The following CCNY variants were observed in gnomAD, a reference collection of about 807,000 sequenced individuals.
CCNY encodes the protein cyclin Y, also known as cyclin-Y.
A neutral mutation model predicts 42.8 loss-of-function variants in CCNY; 19 were observed. The ratio of observed to expected loss-of-function variants is 0.44; its 90% confidence interval spans 0.31 to 0.65. CCNY has a LOEUF of 0.65. Ranked by LOEUF, CCNY falls within the 30% of genes least tolerant of loss-of-function variation. The pLI is 0.07. For missense variants in CCNY, 370 were observed against 437.3 expected, an observed-to-expected ratio of 0.85 and a Z score of 1.37; for synonymous variants, 165 against 162.7, an observed-to-expected ratio of 1.01 and a Z score of -0.11.
chr10:35,406,696 C>A (rs1837781715), intron 1 of CCNY, among the ~76,000 whole-genome samples: 1 of 152,208 alleles, frequency 6.6e-6, no homozygotes, highest in South Asian at 2.1e-4. Flanking sequence ...CCTTTCTATT[C>A]CACAAAACTG....
At chr10:35,274,124 T>C (rs1263060702) in intron 3 of CCNY, among the ~76,000 whole-genome samples, 1 of 152,196 alleles carries the variant, frequency 6.6e-6, no homozygotes. Context: ...TTCACATGGC[T>C]GGGGAGGCCT....
At chr10:35,366,182 A>G (rs1039911514) in intron 1 of CCNY, among the ~76,000 whole-genome samples, 1 of 152,262 alleles carries the variant, frequency 6.6e-6, no homozygotes, top group Non-Finnish European at 1.5e-5. Flanking sequence ...CTTTCTAAAA[A>G]TATCACAGAA....
At position 35,484,396 on chromosome 10, in the gene CCNY, T is replaced by C. The variant is rs552956510; in HGVS notation, c.229+918T>C. Among the ~76,000 whole-genome samples, 9 of 152,338 alleles carry C rather than the reference T, an allele frequency of 5.9e-5. No homozygotes were observed. The East Asian group carries it at 1.7e-3, about 29-fold the overall frequency. ...GCAAGGTATAGTGCTGATTTAATGT[T>C]ATTGGGAATCTTTAGTTAGGCAAGC... On this transcript the variant is annotated intron_variant, in intron 2 of 9. Coordinates refer to ENST00000374704, the MANE Select transcript of CCNY (RefSeq NM_145012.6).
intron 3 of CCNY, among the ~76,000 whole-genome samples, chr10:35,267,658 AG>A (rs1473319568): frequency 1.3e-5 from 2 of 152,188 alleles, no homozygotes; most frequent in African/African-American, 4.8e-5. Flanking sequence ...CTCTTGTGAC[AG>A]AAAACACTGC....
intron 3 of CCNY, among the ~76,000 whole-genome samples, chr10:35,254,425 C>T (rs768861392): frequency 6.6e-6 from 1 of 152,016 alleles, no homozygotes; most frequent in Non-Finnish European, 1.5e-5. Context: ...TTTTTCTGAC[C>T]GGTTGCTTTC....
At chr10:35,489,457 C>T (rs983820595) in intron 2 of CCNY, among the ~76,000 whole-genome samples, 3 of 152,012 alleles carry the variant, frequency 2.0e-5, no homozygotes, top group Non-Finnish European at 4.4e-5. Flanking sequence ...CCCACCACCA[C>T]GCCCAGCTAA....
intron 3 of CCNY, among the ~76,000 whole-genome samples, chr10:35,505,403 C>CAA (rs112231407): frequency 1.2e-4 from 16 of 131,106 alleles, no homozygotes; most frequent in East Asian, 4.4e-4. Context: ...GTGTGATCCT[C>CAA]AAAAAAAAAA....
At chr10:35,366,741 G>A (rs919309789) in intron 1 of CCNY, among the ~76,000 whole-genome samples, 20 of 152,326 alleles carry the variant, frequency 1.3e-4, no homozygotes, top group African/African-American at 4.3e-4. Flanking sequence ...TGATGGAAAT[G>A]TTATATATCT....
intron 1 of CCNY, among the ~76,000 whole-genome samples, chr10:35,415,856 GGCCGAGCAGGTGGCAGT>G (rs1238867086): frequency 6.6e-6 from 1 of 152,188 alleles, no homozygotes; most frequent in Non-Finnish European, 1.5e-5. Context: ...CCATCCTGTG[GGCCGAGCAGGTGGCAGT>G]GCCCGCTCTG....
intron 1 of CCNY, among the ~76,000 whole-genome samples, chr10:35,441,923 G>T (rs988483763): frequency 3.3e-5 from 5 of 152,268 alleles, no homozygotes; most frequent in African/African-American, 1.2e-4. Context: ...TTGGCTGTAT[G>T]ATTTAAAATG....
chr10:35,441,556 C>T (rs1479506541), intron 1 of CCNY, among the ~76,000 whole-genome samples: 1 of 152,092 alleles, frequency 6.6e-6, no homozygotes, highest in Non-Finnish European at 1.5e-5. Flanking sequence ...CTGGCCTGGG[C>T]AACATGGGCG....
At chr10:35,498,756 T>G (rs1840052161) in intron 2 of CCNY, among the ~76,000 whole-genome samples, 1 of 152,166 alleles carries the variant, frequency 6.6e-6, no homozygotes, top group African/African-American at 2.4e-5. Context: ...GAAAATCTTC[T>G]CAGAAACTGT....
intron 3 of CCNY, among the ~76,000 whole-genome samples, chr10:35,266,283 A>G (rs1230893598): frequency 1.9e-5 from 2 of 102,974 alleles, no homozygotes. Context: ...TATTTTTAGT[A>G]GAGATGGGGT....
At position 35,570,672 on chromosome 10, in the gene CCNY, CCTT is replaced by C. The variant is rs1841668602; in HGVS notation, c.*1507_*1509del. 1 of 152,302 alleles carries C rather than the reference CCTT, an allele frequency of 6.6e-6. No individual in the cohort carries two copies. The highest frequency in any genetic ancestry group is 2.1e-4 in the South Asian group (1 of 4,824). The allele number at this position is 152,302 out of a possible 1,614,324, so 9.4% of individuals were successfully genotyped here. A position where few individuals can be genotyped will look rare whatever the true frequency, so the allele number is the denominator to read the frequency against. ...GTGGCAGCAGCAGGTCTGTGTTTCA[CCTT>C]CTTCCCATGTGAGCTTGGAAAACTT... On this transcript the variant is annotated 3_prime_UTR_variant, in exon 10 of 10. Coordinates refer to ENST00000374704, the MANE Select transcript of CCNY (RefSeq NM_145012.6).
At chr10:35,263,767 C>A (rs1014682482) in intron 3 of CCNY, among the ~76,000 whole-genome samples, 2 of 152,088 alleles carry the variant, frequency 1.3e-5, no homozygotes, top group African/African-American at 4.8e-5. Context: ...TGGTTGTTTG[C>A]TGCACAGATC....
intron 1 of CCNY, among the ~76,000 whole-genome samples, chr10:35,455,189 CATTG>C (rs1564417592): frequency 1.3e-5 from 2 of 152,142 alleles, no homozygotes; most frequent in Non-Finnish European, 2.9e-5. Context: ...AGCCTAGTCA[CATTG>C]ATTGACTGGA....
At chr10:35,370,313 G>A (rs1376717864) in intron 1 of CCNY, among the ~76,000 whole-genome samples, 2 of 151,988 alleles carry the variant, frequency 1.3e-5, no homozygotes, top group Non-Finnish European at 2.9e-5. Context: ...CACCACGCCC[G>A]GCTAATTTTT....
At chr10:35,514,075 C>CAAAA (rs11451104) in intron 3 of CCNY, among the ~76,000 whole-genome samples, 1,471 of 76,074 alleles carry the variant, frequency 0.019, 86 homozygotes, top group Non-Finnish European at 0.025. Context: ...AGGACCAGTT[C>CAAAA]AAAAAAAAAA....
intron 3 of CCNY, among the ~76,000 whole-genome samples, chr10:35,252,633 T>A (rs11010146): frequency 0.36 from 54,342 of 149,596 alleles, 10,307 homozygotes; most frequent in African/African-American, 0.47. Context: ...ATGAAAAATA[T>A]TGCTGGAACA....
Sources: allele counts gnomAD v4.1 joint callset (sites outside exome capture counted in the v4.1 genomes callset), GRCh38; gene constraint gnomAD v4.1.1; transcripts MANE v1.5; gene names NCBI Gene and HGNC (gene_info 2026-07-23, HGNC 2026-07-21).